Variants in USP31 observed in about 807,000 individuals in gnomAD.
USP31 encodes ubiquitin specific peptidase 31, also known as ubiquitin carboxyl-terminal hydrolase 31.
A neutral mutation model predicts 119.4 loss-of-function variants in USP31; 44 were observed. That is an observed-to-expected ratio of 0.37 (90% CI 0.29 to 0.47). The LOEUF (loss-of-function observed/expected upper bound fraction) is 0.47. Among genes scored for constraint, USP31 ranks in the 20% least tolerant of loss-of-function variants. The pLI, the probability that USP31 is intolerant of heterozygous loss-of-function variation, is 0.99. For synonymous variants in USP31, 749 were observed against 705.6 expected (o/e 1.06, Z -0.97); for missense variants, 1,643 against 1,730.2 (o/e 0.95, Z 0.89).
intron 6 of USP31, among the ~76,000 whole-genome samples, chr16:23,091,366 T>C (rs1901354450): frequency 6.6e-6 from 1 of 152,198 alleles, no homozygotes; most frequent in Non-Finnish European, 1.5e-5. Flanking sequence ...GGCACAGTAC[T>C]GATCCTCCCA....
rs1206235570 is a variant in USP31, at chr16:23,063,712, AAT to A, written c.*4332_*4333del. On this transcript the variant is annotated 3_prime_UTR_variant, in exon 16 of 16. Transcript: ENST00000219689. ...ATATTTTGAAAATCACAAATTTAAA[AAT>A]AGAGCTCCATAATTGTTGCCTTTTT... 3 of 151,644 alleles carry A rather than the reference AAT, an allele frequency of 2.0e-5. No homozygotes were observed. Among genetic ancestry groups the A allele is most frequent in the Non-Finnish European group, 2.9e-5 (2 of 67,918 alleles). The allele number at this position is 151,644 out of a possible 1,614,324, so 9.4% of individuals were successfully genotyped here. A position where few individuals can be genotyped will look rare whatever the true frequency, so the allele number is the denominator to read the frequency against.
At chr16:23,083,498 T>C (rs1005809270) in intron 11 of USP31, among the ~76,000 whole-genome samples, 1 of 151,606 alleles carries the variant, frequency 6.6e-6, no homozygotes, top group African/African-American at 2.4e-5. Flanking sequence ...GCTACCATTC[T>C]AGATCAGTGA....
rs775824755 is a variant in USP31, at chr16:23,084,849, C to T, written c.1830+11G>A. The T allele has an allele frequency of 4.3e-6, 7 of 1,613,614 alleles. No individual in the cohort carries two copies. The South Asian group carries it at 7.7e-5, about 18-fold the overall frequency. On this transcript the variant is annotated intron_variant, in intron 11 of 15. Transcript: ENST00000219689. Reference sequence around the variant, plus strand: ...CCCTGAGCAACCAAGAAATGCTGCCCAGTCTCTTACCCGCTCCTCTTTGGT... The same window carrying T: ...CCCTGAGCAACCAAGAAATGCTGCCTAGTCTCTTACCCGCTCCTCTTTGGT...
At chr16:23,084,712 C>T in intron 11 of USP31, 148 bp downstream of exon 11, 1 of 992,004 alleles carries the variant, frequency 1.0e-6, no homozygotes, top group Non-Finnish European at 1.4e-6. Context: ...AAAGCAAGAG[C>T]ATTAAGATGC....
intron 9 of USP31, 146 bp from the exon 10 acceptor site, chr16:23,085,808 T>C (rs1016868882): frequency 1.4e-6 from 1 of 702,822 alleles, no homozygotes; most frequent in Non-Finnish European, 2.4e-6. Context: ...GAAAAAAGTT[T>C]TCAGCAAGAC....
chr16:23,090,894 T>G, intron 6 of USP31, 90 bp from the exon 7 acceptor site: 3 of 1,252,300 alleles, frequency 2.4e-6, no homozygotes, highest in Non-Finnish European at 2.1e-6. Flanking sequence ...GAGAAAATTT[T>G]TTTTAAAAAT....
At position 23,149,115 on chromosome 16, in the gene USP31, G is replaced by A. The variant is rs750282186; in HGVS notation, c.156C>T (p.Pro52=). Reference sequence around the variant, plus strand: ...CCGAGCGTGCAGAGGAGGGCGAGGAGGGCGAGGAAGGCGCGGCCGGCCCGG... The same window carrying A: ...CCGAGCGTGCAGAGGAGGGCGAGGAAGGCGAGGAAGGCGCGGCCGGCCCGG... ...GASGPAAPSS[P]SSPSSARSVG... The change falls in exon 1 of 16, where the codon CCC becomes CCT. Residue 52 remains proline, a synonymous_variant. Coordinates refer to ENST00000219689, the MANE Select transcript of USP31 (RefSeq NM_020718.4). 25 of 1,258,954 alleles carry A rather than the reference G, an allele frequency of 2.0e-5. No individual in the cohort carries two copies. Among genetic ancestry groups the A allele is most frequent in the Non-Finnish European group, 2.6e-5 (25 of 979,404 alleles). The allele number at this position is 1,258,954 out of a possible 1,614,324, so 78.0% of individuals were successfully genotyped here.
intron 1 of USP31, among the ~76,000 whole-genome samples, chr16:23,109,324 G>A (rs1197834315): frequency 3.3e-5 from 5 of 152,012 alleles, no homozygotes; most frequent in African/African-American, 1.2e-4. Context: ...CTGGGACACG[G>A]GACATGTCAA....
chr16:23,124,224 C>G (rs1902772795), intron 1 of USP31, among the ~76,000 whole-genome samples: 1 of 152,140 alleles, frequency 6.6e-6, no homozygotes, highest in African/African-American at 2.4e-5. Context: ...GGAGATCAAT[C>G]AATGATGTTC....
At chr16:23,114,283 G>A (rs1380654645) in intron 1 of USP31, among the ~76,000 whole-genome samples, 1 of 146,084 alleles carries the variant, frequency 6.8e-6, no homozygotes, top group African/African-American at 2.4e-5. Flanking sequence ...GGTTTTTTGA[G>A]TTTATTTTGT....
rs373335873 is a variant in USP31 at position 23,069,337 on chromosome 16, T to C, written c.2768A>G (p.Gln923Arg). 6.2e-7 allele frequency: 1 copy of C among 1,603,090 alleles called. No individual in the cohort carries two copies. Among genetic ancestry groups the C allele is most frequent in the African/African-American group, 1.3e-5 (1 of 74,786 alleles). ...GCGACTATGACTGTCGCTTGGTTCC[T>C]GGTAACTGCTAGAAAGGTTCCGCAA... ...GSLRNLSSSY[Q>R]EPSDSHSRRE... The change falls in exon 16 of 16, where the codon CAG becomes CGG. Residue 923 changes from glutamine to arginine, a missense_variant. Physicochemically the swap from Gln to Arg is conservative, Grantham distance 43. This residue lies in a region of USP31 where 699 missense variants were observed against 650.9 expected (regional missense o/e 1.07). Transcript: ENST00000219689.
intron 6 of USP31, among the ~76,000 whole-genome samples, chr16:23,096,119 G>C (rs1211645858): frequency 6.6e-6 from 1 of 152,002 alleles, no homozygotes; most frequent in Non-Finnish European, 1.5e-5. Context: ...AGAGACACAA[G>C]TAGGCTCAAA....
Position 23,062,116 on chromosome 16 carries a change from T to C in USP31, c.*5930A>G, listed in dbSNP as rs572905117. 2 of 152,794 alleles carry C rather than the reference T, an allele frequency of 1.3e-5. No individual in the cohort carries two copies. Among genetic ancestry groups the C allele is most frequent in the South Asian group, 2.1e-4 (1 of 4,826 alleles). The allele number at this position is 152,794 out of a possible 1,614,324, so 9.5% of individuals were successfully genotyped here. On this transcript the variant is annotated 3_prime_UTR_variant, in exon 16 of 16. Transcript: ENST00000219689. Reference sequence around the variant, plus strand: ...CATTTCCAACTTGCATGTCTACTTGTATCTTCATTCCTTAAAATGTTGAAA... The same window carrying C: ...CATTTCCAACTTGCATGTCTACTTGCATCTTCATTCCTTAAAATGTTGAAA...
chr16:23,103,230 C>G (rs545220552), intron 5 of USP31, among the ~76,000 whole-genome samples: 68 of 152,252 alleles, frequency 4.5e-4, no homozygotes, highest in African/African-American at 1.6e-3. Context: ...GAGTCCACAT[C>G]TGACTCTGAG....
intron 1 of USP31, among the ~76,000 whole-genome samples, chr16:23,146,434 G>A (rs1416885055): frequency 6.6e-6 from 1 of 152,122 alleles, no homozygotes; most frequent in African/African-American, 2.4e-5. Context: ...TGAGACAGGA[G>A]AATTGCTTGA....
intron 15 of USP31, among the ~76,000 whole-genome samples, chr16:23,071,090 G>A (rs1026633713): frequency 4.6e-5 from 7 of 152,166 alleles, no homozygotes; most frequent in Admixed American, 1.3e-4. Flanking sequence ...TGAGGAGCCG[G>A]AAGGAGCTTA....
chr16:23,069,093 T>A lies in USP31; in HGVS notation c.3012A>T (p.Lys1004Asn), dbSNP rs1279922868. The A allele has an allele frequency of 6.2e-7, 1 of 1,612,734 alleles. No homozygotes were observed. The change falls in exon 16 of 16, where the codon AAA (lysine) becomes AAT (asparagine). Residue 1004 changes from lysine to asparagine, a missense_variant. Around this residue, in one of 5 missense-constraint regions of USP31, gnomAD observed 699 missense variants for 650.9 expected, o/e 1.07. Transcript: ENST00000219689. ...QSDSVDSSPV[K>N]EVKAPSHPGS... ...CTGGGTGGCTGGGGGCTTTCACCTC[T>A]TTGACTGGAGAGCTGTCTACGGAGT... is the stretch of plus-strand genomic sequence containing the variant.
In USP31 at chr16:23,072,095, G is replaced by A. The variant is rs752933157; in HGVS notation, c.2438C>T (p.Ala813Val). 2.5e-6 allele frequency: 4 copies of A among 1,613,582 alleles called. No homozygotes were observed. Among genetic ancestry groups the A allele is most frequent in the Non-Finnish European group, 3.4e-6 (4 of 1,180,002 alleles). Residue 813 changes from alanine (A) to valine (V), a missense_variant, in exon 15 of 16, where the codon GCG becomes GTG. Physicochemically the swap from Ala to Val is moderately conservative, Grantham distance 64. Transcript: ENST00000219689. ...CATCTCCACGGACTCAGAGAGCGAC[G>A]CCAGGGAGGTGCGTCTGGAGGAAGC... ...SAASSRRTSL[A>V]SLSESVEMTG...
intron 1 of USP31, among the ~76,000 whole-genome samples, chr16:23,146,772 T>A (rs1350453843): frequency 2.0e-5 from 3 of 152,172 alleles, no homozygotes; most frequent in Non-Finnish European, 4.4e-5. Flanking sequence ...CTCAGCTAGA[T>A]GACCTTTTCA....
Sources: allele counts gnomAD v4.1 joint callset (sites outside exome capture counted in the v4.1 genomes callset), GRCh38; gene constraint gnomAD v4.1.1; regional missense constraint gnomAD v4.1.1; transcripts MANE v1.5; gene names NCBI Gene and HGNC (gene_info 2026-07-23, HGNC 2026-07-21).